CARD19: variants seen among roughly 807,000 people sequenced by gnomAD.
CARD19 encodes the protein caspase recruitment domain-containing protein 19.
CARD19 carries 25 observed loss-of-function variants against 24.1 expected under a neutral mutation model. That is an observed-to-expected ratio of 1.04 (90% CI 0.76 to 1.45). CARD19 has a LOEUF of 1.45. Ranked by LOEUF, CARD19 falls within the 40% of genes most tolerant of loss-of-function variation. CARD19 has a pLI of 0.00. For synonymous variants in CARD19, 103 were observed against 104.9 expected, an observed-to-expected ratio of 0.98 and a Z score of 0.11; for missense variants, 241 against 247.4, an observed-to-expected ratio of 0.97 and a Z score of 0.17.
intron 4 of CARD19, 43 bp from the exon 5 acceptor site, chr9:93,112,175 T>TCTGAGGCC (rs1279572677): frequency 1.3e-6 from 2 of 1,529,480 alleles, no homozygotes; most frequent in African/African-American, 2.8e-5. Flanking sequence ...ACCCCACCCC[T>TCTGAGGCC]CTGAGGCCCA....
chr9:93,098,494 A>C (rs1564204856), intron 1 of CARD19, among the ~76,000 whole-genome samples: 1 of 152,142 alleles, frequency 6.6e-6, no homozygotes, highest in Non-Finnish European at 1.5e-5. Context: ...CCAGCCTGGC[A>C]AGAAGGAAGG....
At chr9:93,107,601 G>T in intron 1 of CARD19, 73 bp from the exon 2 acceptor site, 2 of 1,563,116 alleles carry the variant, frequency 1.3e-6, no homozygotes, top group Non-Finnish European at 8.8e-7. Context: ...CCTGTGGTCA[G>T]TGTCAGTACG....
At chr9:93,108,762 T>G (rs1827357377) in intron 2 of CARD19, among the ~76,000 whole-genome samples, 1 of 152,242 alleles carries the variant, frequency 6.6e-6, no homozygotes, top group Non-Finnish European at 1.5e-5. Context: ...CTCTGTCACA[T>G]GGCCCTGGCC....
At chr9:93,104,493 A>G (rs1178675625) in intron 1 of CARD19, among the ~76,000 whole-genome samples, 3 of 152,152 alleles carry the variant, frequency 2.0e-5, no homozygotes, top group Non-Finnish European at 4.4e-5. Flanking sequence ...AAGGATTGGT[A>G]TTAGTTCTTC....
At chr9:93,099,716 T>C (rs1463345204) in intron 1 of CARD19, among the ~76,000 whole-genome samples, 1 of 152,260 alleles carries the variant, frequency 6.6e-6, no homozygotes, top group Non-Finnish European at 1.5e-5. Context: ...GACGTCCCTG[T>C]GCTCAGCTTC....
intron 1 of CARD19, 101 bp from the exon 2 acceptor site, chr9:93,107,573 C>A: frequency 7.1e-7 from 1 of 1,417,190 alleles, no homozygotes; most frequent in Non-Finnish European, 9.7e-7. Flanking sequence ...TGGGAACCCA[C>A]CTTGGGGGTG....
At chr9:93,112,180 G>C (rs1306617648) in intron 4 of CARD19, 38 bp from the exon 5 acceptor site, 3 of 1,538,288 alleles carry the variant, frequency 2.0e-6, no homozygotes, top group Admixed American at 2.0e-5. Flanking sequence ...ACCCCTCTGA[G>C]GCCCAGGGGA....
chr9:93,107,863 T>C, intron 2 of CARD19, 47 bp downstream of exon 2: 1 of 1,611,304 alleles, frequency 6.2e-7, no homozygotes, highest in South Asian at 1.1e-5. Flanking sequence ...TCAGTTTCCC[T>C]TCCTTTCTGG....
Position 93,103,601 on chromosome 9 carries a change from T to A in CARD19, c.8-4073T>A, listed in dbSNP as rs761883581. Among the ~76,000 whole-genome samples the A allele has an allele frequency of 2.6e-5, 4 of 152,340 alleles. No homozygotes were observed. In the East Asian group the frequency reaches 5.8e-4, roughly 22 times the overall value. ...AGTGCCAACTCTATGGCCTTTATCATGTTGATGAAATTTCCTTCTGTATTA... is the reference window on the plus strand; with the variant it reads ...AGTGCCAACTCTATGGCCTTTATCAAGTTGATGAAATTTCCTTCTGTATTA... On this transcript the variant is annotated intron_variant, in intron 1 of 5. Transcript: ENST00000375464.
At chr9:93,110,390 C>A in intron 2 of CARD19, 178 bp from the exon 3 acceptor site, 2 of 978,856 alleles carry the variant, frequency 2.0e-6, no homozygotes, top group Non-Finnish European at 2.9e-6. Flanking sequence ...GTGACAGAGG[C>A]AATGCCAGGC....
chr9:93,107,587 C>G (rs1000876545), intron 1 of CARD19, 87 bp from the exon 2 acceptor site: 19 of 1,496,508 alleles, frequency 1.3e-5, no homozygotes, highest in Admixed American at 5.2e-5. Context: ...GGGGGTGATG[C>G]CTTCCTGTGG....
At position 93,096,334 on chromosome 9, in the gene CARD19, G is replaced by A; in HGVS notation, c.-12G>A. The A allele has an allele frequency of 1.6e-6, 2 of 1,225,914 alleles. No homozygotes were observed. The highest frequency in any genetic ancestry group is 2.0e-6 in the Non-Finnish European group (2 of 984,044). The allele number at this position is 1,225,914 out of a possible 1,614,324, so 75.9% of individuals were successfully genotyped here. A position where few individuals can be genotyped will look rare whatever the true frequency, so the allele number is the denominator to read the frequency against. ...ACCGCTGGGGACTGCGGGCGGCGCT[G>A]TGTCCGTCGCCATGACAGGTGGGCA... On this transcript the variant is annotated 5_prime_UTR_variant, in exon 1 of 6. It adds an upstream start codon to the 5' untranslated region. Transcript: ENST00000375464. This position sits in a 1 kb window ranked among gnomAD's most constrained non-coding sequence, Gnocchi z 5.4.
chr9:93,098,029 G>A (rs1420019917), intron 1 of CARD19, among the ~76,000 whole-genome samples: 1 of 152,248 alleles, frequency 6.6e-6, no homozygotes, highest in Non-Finnish European at 1.5e-5. Context: ...CCTGCCTTGC[G>A]CCAGCCCTCG....
rs1367656559 is a variant in CARD19, at chr9:93,113,280, C to G, written c.*173C>G. The G allele has an allele frequency of 4.0e-6, 2 of 494,076 alleles. No homozygotes were observed. The highest frequency in any genetic ancestry group is 2.8e-5 in the South Asian group (1 of 35,670). The allele number at this position is 494,076 out of a possible 1,614,324, so 30.6% of individuals were successfully genotyped here. ...TGACCATATTAAATGTTCAGGTTCT[C>G]TCAGCCTGCCTCGTTCCTCAGTCTC... is the stretch of plus-strand genomic sequence containing the variant. On this transcript the variant is annotated 3_prime_UTR_variant, in exon 6 of 6. Transcript: ENST00000375464.
At position 93,113,073 on chromosome 9, in the gene CARD19, T is replaced by C. The variant is rs772422197; in HGVS notation, c.518T>C (p.Leu173Pro). The change falls in exon 6 of 6, where the codon CTG (leucine) becomes CCG (proline). Residue 173 changes from leucine to proline, a missense_variant. Physicochemically the swap from Leu to Pro is moderately conservative, Grantham distance 98. Coordinates refer to ENST00000375464, the MANE Select transcript of CARD19 (RefSeq NM_032310.5). Reference protein sequence around the residue: ...IIDRHVSRYLLAFLADDLGGL With the variant: ...IIDRHVSRYLPAFLADDLGGL ...GACAGACATGTCAGCCGCTACCTGC[T>C]GGCCTTCCTGGCAGATGACCTAGGG... 153 of 1,592,760 alleles carry C rather than the reference T, an allele frequency of 9.6e-5. No individual in the cohort carries two copies. The highest frequency in any genetic ancestry group is 4.0e-4 in the Admixed American group (23 of 57,938).
Position 93,113,099 on chromosome 9 carries a change from G to T in CARD19, c.544G>T (p.Gly182Trp). 6.4e-7 allele frequency: 1 copy of T among 1,570,488 alleles called. No individual in the cohort carries two copies. Among genetic ancestry groups the T allele is most frequent in the Non-Finnish European group, 8.6e-7 (1 of 1,156,942 alleles). The change falls in exon 6 of 6, where the codon GGG (glycine) becomes TGG (tryptophan). Residue 182 changes from glycine to tryptophan, a missense_variant. Gly to Trp is a radical substitution (Grantham distance 184). Coordinates refer to ENST00000375464, the MANE Select transcript of CARD19 (RefSeq NM_032310.5). Reference protein sequence around the residue: ...LLAFLADDLGGL With the variant: ...LLAFLADDLGWL ...GGCCTTCCTGGCAGATGACCTAGGG[G>T]GGCTCTGACAGACCCTGGACCCAGG...
At chr9:93,102,461 A>G (rs190596094) in intron 1 of CARD19, among the ~76,000 whole-genome samples, 179 of 152,264 alleles carry the variant, frequency 1.2e-3, no homozygotes, top group Middle Eastern at 6.8e-3. Flanking sequence ...TCTTCCATTT[A>G]TGTGAACTGT....
chr9:93,107,562 G>A, intron 1 of CARD19, 112 bp from the exon 2 acceptor site: 1 of 1,284,734 alleles, frequency 7.8e-7, no homozygotes, highest in South Asian at 1.3e-5. Flanking sequence ...CACCCTCCTG[G>A]TGGGAACCCA....
intron 1 of CARD19, among the ~76,000 whole-genome samples, chr9:93,103,580 C>A (rs1443163038): frequency 6.6e-6 from 1 of 152,174 alleles, no homozygotes; most frequent in Non-Finnish European, 1.5e-5. Flanking sequence ...AGATAGAGTG[C>A]CAACTCTATG....
Sources: gnomAD v4.1 joint callset for allele counts (sites outside exome capture counted in the v4.1 genomes callset) on GRCh38, gnomAD v4.1.1 for gene constraint, Gnocchi (gnomAD v3.1) non-coding constraint, MANE v1.5 for transcripts, NCBI Gene and HGNC (gene_info 2026-07-23, HGNC 2026-07-21) for gene names.